MKI67: variants seen among roughly 807,000 people sequenced by gnomAD.
MKI67 encodes proliferation marker protein Ki-67.
Under a neutral mutation model 233.5 loss-of-function variants are expected in MKI67, and 152 were observed. The observed-to-expected ratio is 0.65, with a 90% confidence interval of 0.57 to 0.74. The LOEUF (loss-of-function observed/expected upper bound fraction) is 0.74, where lower values mean the gene tolerates loss of function less well. MKI67 is among the 30% of genes least tolerant of loss of function. The pLI, the probability that MKI67 is intolerant of heterozygous loss-of-function variation, is 0.00. For synonymous variants in MKI67, 1,465 were observed against 1,418.5 expected (o/e 1.03, Z -0.74); for missense variants, 3,940 against 3,885.2 (o/e 1.01, Z -0.37).
chr10:128,115,461 TTCTGG>T lies in MKI67; in HGVS notation c.942_946del (p.Asp314GlufsTer26), dbSNP rs1238668083. On this transcript the variant is annotated frameshift_variant, in exon 7 of 15. Coordinates refer to ENST00000368654, the MANE Select transcript of MKI67 (RefSeq NM_002417.5). LOFTEE classifies it high-confidence loss of function. ...CTCCACGTCTCTTCCCTTCCCCTTG[TTCTGG>T]TCAAGCTCTTGTTCAGGTGAAGCAG... 6.2e-7 allele frequency: 1 copy of T among 1,613,876 alleles called. No homozygotes were observed. Among genetic ancestry groups the T allele is most frequent in the Admixed American group, 1.7e-5 (1 of 59,930 alleles).
Position 128,115,366 on chromosome 10 carries a change from G to C in MKI67, c.1042C>G (p.Pro348Ala), listed in dbSNP as rs151084771. ...TTTTGTTGCTGTGAATATTGTACAGGGGTCTTCATTTTAGCCGGCTCATAG... is the reference window on the plus strand; with the variant it reads ...TTTTGTTGCTGTGAATATTGTACAGCGGTCTTCATTTTAGCCGGCTCATAG... ...PLYEPAKMKT[P>A]VQYSQQQNSP... The change falls in exon 7 of 15, where the codon CCT (proline) becomes GCT (alanine). Residue 348 changes from proline (P) to alanine (A), a missense_variant. Transcript: ENST00000368654. 6.2e-7 allele frequency: 1 copy of C among 1,614,028 alleles called. No homozygotes were observed. Among genetic ancestry groups the C allele is most frequent in the Admixed American group, 1.7e-5 (1 of 59,998 alleles).
Position 128,103,158 on chromosome 10 carries a change from G to T in MKI67, c.8682C>A (p.Asp2894Glu). The part of the protein sequence containing the change: ...AFKQPAKRKL[D>E]AEDVIGSRRQ... ...TCCTGCTGCCAATTACATCTTCTGC[G>T]TCCAGCTTCCGCTTTGCAGGTTGCT... Residue 2894 changes from aspartate to glutamate, a missense_variant, in exon 13 of 15, where the codon GAC becomes GAA. Coordinates refer to ENST00000368654, the MANE Select transcript of MKI67 (RefSeq NM_002417.5). 6.2e-7 allele frequency: 1 copy of T among 1,608,730 alleles called. No individual in the cohort carries two copies. Among genetic ancestry groups the T allele is most frequent in the Non-Finnish European group, 8.5e-7 (1 of 1,178,648 alleles).
chr10:128,103,534 G>A lies in MKI67; in HGVS notation c.8306C>T (p.Ser2769Phe). The part of the protein sequence containing the change: ...EDKGIKALKE[S>F]AKQTPAPAAS... The stretch of plus-strand genomic sequence containing the variant: ...TGCTGGAGCCGGTGTCTGTTTTGCA[G>A]ATTCCTTCAATGCTTTGATGCCTTT... Residue 2769 changes from serine to phenylalanine, a missense_variant, in exon 13 of 15, where the codon TCT (serine) becomes TTT (phenylalanine). Physicochemically the swap from Ser to Phe is radical, Grantham distance 155. Coordinates refer to ENST00000368654, the MANE Select transcript of MKI67 (RefSeq NM_002417.5). 6.2e-7 allele frequency: 1 copy of A among 1,613,646 alleles called. No homozygotes were observed. The highest frequency in any genetic ancestry group is 2.2e-5 in the East Asian group (1 of 44,820).
In MKI67 at chr10:128,112,144, GCTTCCGAAGCACCA is replaced by G. The variant is rs1852692829; in HGVS notation, c.1944_1957del (p.Gly649LysfsTer22). 6.2e-7 allele frequency: 1 copy of G among 1,613,562 alleles called. No homozygotes were observed. The highest frequency in any genetic ancestry group is 8.5e-7 in the Non-Finnish European group (1 of 1,179,546). The stretch of plus-strand genomic sequence containing the variant: ...AATGTCAGACTAACCAATCAGATTT[GCTTCCGAAGCACCA>G]CTTCTTCTTTTGGAACATATCATCT... On this transcript the variant is annotated frameshift_variant, in exon 9 of 15. Transcript: ENST00000368654. LOFTEE classifies it high-confidence loss of function.
rs762078130 is a variant in MKI67, at chr10:128,115,972, T to C, written c.436A>G (p.Ile146Val). The C allele has an allele frequency of 5.0e-6, 8 of 1,606,318 alleles. No individual in the cohort carries two copies. Among genetic ancestry groups the C allele is most frequent in the Admixed American group, 1.7e-5 (1 of 58,520 alleles). The change falls in exon 7 of 15, where the codon ATC becomes GTC. Residue 146 changes from isoleucine to valine, a missense_variant. Coordinates refer to ENST00000368654, the MANE Select transcript of MKI67 (RefSeq NM_002417.5). ...TTTCCTGAAACTTTTCCTTCAGTGA[T>C]TTTTGAATAGGCCTTGGAATCTTGA... Reference protein sequence around the residue: ...KAQDSKAYSKITEGKVSGNPQ... With the variant: ...KAQDSKAYSKVTEGKVSGNPQ...
At position 128,123,185 on chromosome 10, in the gene MKI67, G is replaced by C; in HGVS notation, c.93-16C>G. The stretch of plus-strand genomic sequence containing the variant: ...TTCAATACCCCTTCATGCAAAAGAA[G>C]AAGGTTTTTTTGGTTGCTGCAACTT... On this transcript the variant is annotated splice_polypyrimidine_tract_variant and intron_variant, in intron 2 of 14. Transcript: ENST00000368654. The C allele has an allele frequency of 6.2e-7, 1 of 1,601,174 alleles. No individual in the cohort carries two copies.
Position 128,113,553 on chromosome 10 carries a change from C to T in MKI67, c.1530G>A (p.Gly510=). The T allele has an allele frequency of 6.2e-7, 1 of 1,614,070 alleles. No homozygotes were observed. The highest frequency in any genetic ancestry group is 8.5e-7 in the Non-Finnish European group (1 of 1,179,936). The change falls in exon 8 of 15, where the codon GGG becomes GGA. Residue 510 remains glycine (G), a synonymous_variant. Coordinates refer to ENST00000368654, the MANE Select transcript of MKI67 (RefSeq NM_002417.5). ...PLKRRRVSFG[G]HLRPELFDEN... ...CATCAAATAGTTCAGGTCTTAGGTG[C>T]CCACCAAAGGACACACGCCTTCTTT...
intron 13 of MKI67, 127 bp from the exon 14 acceptor site, chr10:128,101,828 T>C (rs1292805413): frequency 1.4e-6 from 1 of 736,772 alleles, no homozygotes; most frequent in African/African-American, 1.8e-5. Flanking sequence ...ACTGATGAAT[T>C]GTCTAAGAGA....
Position 128,106,949 on chromosome 10 carries a change from G to T in MKI67, c.4891C>A (p.Arg1631=). ...DPDKNPASSK[R]RLKTSLGKVG... is the part of the protein sequence containing the mutation. ...TTCCCCAGGGATGTCTTGAGCCGTC[G>T]CTTGGAGCTTGCTGGGTTTTTGTCT... The change falls in exon 13 of 15, where the codon CGA becomes AGA. Residue 1631 remains arginine, a synonymous_variant. Coordinates refer to ENST00000368654, the MANE Select transcript of MKI67 (RefSeq NM_002417.5). The T allele has an allele frequency of 6.2e-7, 1 of 1,614,094 alleles. No homozygotes were observed. The highest frequency in any genetic ancestry group is 8.5e-7 in the Non-Finnish European group (1 of 1,180,022).
intron 4 of MKI67, among the ~76,000 whole-genome samples, chr10:128,121,413 G>A (rs1202721670): frequency 4.4e-5 from 6 of 137,786 alleles, no homozygotes; most frequent in African/African-American, 1.1e-4. Flanking sequence ...TATTGTATAT[G>A]TATTATATAT....
chr10:128,105,627 T>A lies in MKI67; in HGVS notation c.6213A>T (p.Gln2071His), dbSNP rs61729184. The change falls in exon 13 of 15, where the codon CAA (glutamine) becomes CAT (histidine). Residue 2071 changes from glutamine to histidine, a missense_variant. Transcript: ENST00000368654. ...TGAAGCCGGCCAGGTCTTCTAGTGA[T>A]TGGGCCTCTTCCTTAGGTGTTCTTG... The part of the protein sequence containing the change: ...RWPRTPKEEA[Q>H]SLEDLAGFKE... The A allele has an allele frequency of 6.2e-7, 1 of 1,612,322 alleles. No individual in the cohort carries two copies. The highest frequency in any genetic ancestry group is 8.5e-7 in the Non-Finnish European group (1 of 1,179,480).
At chr10:128,113,373 G>A in intron 8 of MKI67, 54 bp downstream of exon 8, 3 of 1,549,766 alleles carry the variant, frequency 1.9e-6, no homozygotes, top group Non-Finnish European at 2.7e-6. Context: ...AAAGGAATAG[G>A]TACCCGGTGT....
intron 4 of MKI67, among the ~76,000 whole-genome samples, chr10:128,122,429 G>A (rs117426509): frequency 0.018 from 2,778 of 152,226 alleles, 39 homozygotes; most frequent in Non-Finnish European, 0.026. Flanking sequence ...CCTAAGGTAC[G>A]AGGGGTTAGG....
chr10:128,118,331 G>C (rs1409559188), intron 5 of MKI67, among the ~76,000 whole-genome samples: 1 of 151,590 alleles, frequency 6.6e-6, no homozygotes, highest in Non-Finnish European at 1.5e-5. Context: ...AGGAGGCGGA[G>C]GTTGCAGTGA....
Position 128,101,337 on chromosome 10 carries a change from G to A in MKI67, c.9626C>T (p.Pro3209Leu). The change falls in exon 14 of 15, where the codon CCT (proline) becomes CTT (leucine). Residue 3209 changes from proline (P) to leucine (L), a missense_variant. By Grantham distance (98) the Pro-to-Leu change is moderately conservative. Coordinates refer to ENST00000368654, the MANE Select transcript of MKI67 (RefSeq NM_002417.5). ...TTTGCTCTCCAAAGTGCTTGCTGCA[G>A]GCTGGCTTTTTGTCTTTCTTGATCT... The part of the protein sequence containing the change: ...CLRSRKTKSQ[P>L]AASTLESKSV... 6.2e-7 allele frequency: 1 copy of A among 1,614,206 alleles called. No homozygotes were observed. The highest frequency in any genetic ancestry group is 8.5e-7 in the Non-Finnish European group (1 of 1,180,030).
Position 128,107,644 on chromosome 10 carries a change from T to C in MKI67, c.4196A>G (p.Asp1399Gly). 1 of 1,614,108 alleles carries C rather than the reference T, an allele frequency of 6.2e-7. No individual in the cohort carries two copies. The highest frequency in any genetic ancestry group is 8.5e-7 in the Non-Finnish European group (1 of 1,180,026). ...CAGGGCTGAGAGCTCCTTCTGTACG[T>C]CCCTTTTCTCCAAAGGTGTCTTGGG... Reference protein sequence around the residue: ...RQPKTPLEKRDVQKELSALKK... With the variant: ...RQPKTPLEKRGVQKELSALKK... The change falls in exon 13 of 15, where the codon GAC becomes GGC. Residue 1399 changes from aspartate (D) to glycine (G), a missense_variant. Coordinates refer to ENST00000368654, the MANE Select transcript of MKI67 (RefSeq NM_002417.5).
rs1479553154 is a variant in MKI67, at chr10:128,113,470, G to A, written c.1613C>T (p.Ser538Phe). Residue 538 changes from serine to phenylalanine, a missense_variant, in exon 8 of 15, where the codon TCT (serine) becomes TTT (phenylalanine). By Grantham distance (155) the Ser-to-Phe change is radical. Coordinates refer to ENST00000368654, the MANE Select transcript of MKI67 (RefSeq NM_002417.5). ...GACAGGTGGAGTGTGCATTACCAGA[G>A]ACTTTCTTTTGGTTGGGGCTTCTCC... ...KRGEAPTKRK[S>F]LVMHTPPVLK... 6.2e-7 allele frequency: 1 copy of A among 1,614,192 alleles called. No homozygotes were observed. Among genetic ancestry groups the A allele is most frequent in the East Asian group, 2.2e-5 (1 of 44,882 alleles).
rs1174156590 is a variant in MKI67 at position 128,107,380 on chromosome 10, T to A, written c.4460A>T (p.Glu1487Val). 1 of 1,613,726 alleles carries A rather than the reference T, an allele frequency of 6.2e-7. No individual in the cohort carries two copies. Among genetic ancestry groups the A allele is most frequent in the Non-Finnish European group, 8.5e-7 (1 of 1,179,956 alleles). ...TCTGCAGGCTATTTTGGTAGTTTTCTCGTGAGTCGTGGGCTTGTCAGTGCA... is the reference window on the plus strand; with the variant it reads ...TCTGCAGGCTATTTTGGTAGTTTTCACGTGAGTCGTGGGCTTGTCAGTGCA... ...PVCTDKPTTH[E>V]KTTKIACRSQ... is the part of the protein sequence containing the mutation. The change falls in exon 13 of 15, where the codon GAG (glutamate) becomes GTG (valine). Residue 1487 changes from glutamate to valine, a missense_variant. Glu to Val is a moderately radical substitution (Grantham distance 121, BLOSUM62 -2). Coordinates refer to ENST00000368654, the MANE Select transcript of MKI67 (RefSeq NM_002417.5).
In MKI67 at chr10:128,105,751, CTG is replaced by C; in HGVS notation, c.6087_6088del (p.His2029GlnfsTer14). The C allele has an allele frequency of 6.2e-7, 1 of 1,614,102 alleles. No individual in the cohort carries two copies. Among genetic ancestry groups the C allele is most frequent in the Non-Finnish European group, 8.5e-7 (1 of 1,180,034 alleles). On this transcript the variant is annotated frameshift_variant, in exon 13 of 15. Coordinates refer to ENST00000368654, the MANE Select transcript of MKI67 (RefSeq NM_002417.5). LOFTEE classifies it high-confidence loss of function. ...GCTCTTTCCATCTCCTGCTGTCTCTCTGTGTGTCTGTGTGGTCTTCCCTGACG... is the reference window on the plus strand; with the variant it reads ...GCTCTTTCCATCTCCTGCTGTCTCTCTGTGTCTGTGTGGTCTTCCCTGACG...
Sources: gnomAD v4.1 joint callset for allele counts (sites outside exome capture counted in the v4.1 genomes callset) on GRCh38, gnomAD v4.1.1 for gene constraint, MANE v1.5 for transcripts, NCBI Gene and HGNC (gene_info 2026-07-23, HGNC 2026-07-21) for gene names.